KIF2A: variants seen among roughly 807,000 people sequenced by gnomAD.
KIF2A encodes the protein kinesin-like protein KIF2A.
KIF2A carries 22 observed loss-of-function variants against 100.2 expected under a neutral mutation model. The observed-to-expected ratio is 0.22, with a 90% CI of 0.16 to 0.31. The LOEUF (loss-of-function observed/expected upper bound fraction) is 0.31, where lower values mean the gene tolerates loss of function less well. Ranked by LOEUF, KIF2A falls within the 10% of genes least tolerant of loss-of-function variation. KIF2A has a pLI of 1.00. For synonymous variants in KIF2A, 268 were observed against 285.9 expected, an observed-to-expected ratio of 0.94 and a Z score of 0.63; for missense variants, 495 against 898.7, an observed-to-expected ratio of 0.55 and a Z score of 5.74.
intron 1 of KIF2A, among the ~76,000 whole-genome samples, chr5:62,339,974 T>C (rs1747205957): frequency 1.3e-5 from 2 of 151,540 alleles, no homozygotes; most frequent in African/African-American, 4.9e-5. Context: ...ATTTTGCTCT[T>C]ATTGTCCAGG....
At chr5:62,315,692 A>T (rs1239663516) in intron 1 of KIF2A, among the ~76,000 whole-genome samples, 1 of 152,226 alleles carries the variant, frequency 6.6e-6, no homozygotes, top group Non-Finnish European at 1.5e-5. Flanking sequence ...CTGGAAACAG[A>T]GGTAAGGTAA....
intron 8 of KIF2A, 147 bp from the exon 9 acceptor site, chr5:62,357,990 T>G: frequency 1.5e-6 from 1 of 688,748 alleles, no homozygotes; most frequent in Non-Finnish European, 2.4e-6. Context: ...ATATTTTGTC[T>G]TAGTGAGTTG....
intron 1 of KIF2A, among the ~76,000 whole-genome samples, chr5:62,320,536 G>C (rs1199332801): frequency 6.6e-6 from 1 of 151,290 alleles, no homozygotes; most frequent in Non-Finnish European, 1.5e-5. Context: ...TGCTAGCTTG[G>C]ATTGTGAAGT....
intron 1 of KIF2A, among the ~76,000 whole-genome samples, chr5:62,346,069 A>G (rs1208004155): frequency 6.6e-6 from 1 of 152,164 alleles, no homozygotes; most frequent in Non-Finnish European, 1.5e-5. Context: ...AATAAATGGC[A>G]CATAACCTAA....
chr5:62,348,989 G>A (rs1015240317), intron 3 of KIF2A, among the ~76,000 whole-genome samples: 2 of 152,104 alleles, frequency 1.3e-5, no homozygotes, highest in Non-Finnish European at 2.9e-5. Flanking sequence ...TATAATAGAA[G>A]CAACAAAACT....
At chr5:62,325,348 T>A (rs1746322965) in intron 1 of KIF2A, among the ~76,000 whole-genome samples, 1 of 152,038 alleles carries the variant, frequency 6.6e-6, no homozygotes, top group South Asian at 2.1e-4. Context: ...GGTCTCGAAC[T>A]CCTGACCTCA....
At chr5:62,368,671 G>A (rs958614242) in intron 16 of KIF2A, among the ~76,000 whole-genome samples, 1 of 151,960 alleles carries the variant, frequency 6.6e-6, no homozygotes, top group Non-Finnish European at 1.5e-5. Context: ...CAGCCACTTG[G>A]GGGGCTGAGG....
At chr5:62,350,899 G>A (rs1479934491) in intron 4 of KIF2A, among the ~76,000 whole-genome samples, 3 of 148,530 alleles carry the variant, frequency 2.0e-5, no homozygotes, top group Non-Finnish European at 4.4e-5. Flanking sequence ...GCGACAGAGC[G>A]AGACTCCATC....
At chr5:62,383,071 C>T (rs1741852111) in intron 20 of KIF2A, among the ~76,000 whole-genome samples, 1 of 150,548 alleles carries the variant, frequency 6.6e-6, no homozygotes, top group African/African-American at 2.4e-5. Flanking sequence ...GGATTACAGG[C>T]GTGTGCCACT....
chr5:62,347,081 A>G (rs1441010435), intron 1 of KIF2A, 49 bp from the exon 2 acceptor site: 1 of 976,494 alleles, frequency 1.0e-6, no homozygotes, highest in Non-Finnish European at 1.6e-6. Flanking sequence ...GTGTTTAGGA[A>G]TGCCATAATT....
In KIF2A at chr5:62,353,348, G is replaced by A; in HGVS notation, c.531G>A (p.Gln177=). The A allele has an allele frequency of 6.4e-7, 1 of 1,568,036 alleles. No homozygotes were observed. Among genetic ancestry groups the A allele is most frequent in the Non-Finnish European group, 8.6e-7 (1 of 1,161,514 alleles). Residue 177 remains glutamine, a synonymous_variant, in exon 6 of 21, where the codon CAG becomes CAA. Coordinates refer to ENST00000407818, the MANE Select transcript of KIF2A (RefSeq NM_001098511.3). ...QEKREKRRLQ[Q]QELREKRAQD... ...AACGAGAGAAAAGGAGATTGCAACAGCAAGAACTTAGAGAAAAAAGAGCCC... is the reference window on the plus strand; with the variant it reads ...AACGAGAGAAAAGGAGATTGCAACAACAAGAACTTAGAGAAAAAAGAGCCC...
intron 4 of KIF2A, among the ~76,000 whole-genome samples, chr5:62,350,852 C>T (rs969702007): frequency 6.7e-6 from 1 of 148,586 alleles, no homozygotes; most frequent in African/African-American, 2.5e-5. Flanking sequence ...GCAGAGGTTG[C>T]AGTAAGCCAA....
In KIF2A at chr5:62,390,259, C is replaced by G. The variant is rs961485781; in HGVS notation, c.*4690C>G. Among the ~76,000 whole-genome samples the G allele has an allele frequency of 6.6e-6, 1 of 152,092 alleles. No homozygotes were observed. Among genetic ancestry groups the G allele is most frequent in the African/African-American group, 2.4e-5 (1 of 41,410 alleles). On this transcript the variant is annotated 3_prime_UTR_variant, in exon 21 of 21. Transcript: ENST00000407818. The stretch of plus-strand genomic sequence containing the variant: ...TAATTACCTGGGTAATTAATTGAAG[C>G]CTTATTCTGTTTTCATAAGACTTAC...
intron 4 of KIF2A, 39 bp from the exon 5 acceptor site, chr5:62,352,542 ACTAATTT>A (rs1362450989): frequency 6.9e-7 from 1 of 1,451,534 alleles, no homozygotes; most frequent in Non-Finnish European, 9.2e-7. Flanking sequence ...GTTAGCTTTT[ACTAATTT>A]TCTATCCTGA....
chr5:62,361,406 T>G, intron 10 of KIF2A, 60 bp from the exon 11 acceptor site: 1 of 1,423,320 alleles, frequency 7.0e-7, no homozygotes, highest in Non-Finnish European at 9.9e-7. Context: ...TTCTGTGAAC[T>G]AAATTCTTAA....
chr5:62,318,323 C>T (rs1338692411), intron 1 of KIF2A, among the ~76,000 whole-genome samples: 3 of 152,130 alleles, frequency 2.0e-5, no homozygotes, highest in Admixed American at 1.3e-4. Flanking sequence ...CCTCGTGATC[C>T]GCCTGCCTTA....
chr5:62,320,560 A>G (rs1369784641), intron 1 of KIF2A, among the ~76,000 whole-genome samples: 1 of 122,844 alleles, frequency 8.1e-6, no homozygotes, highest in Non-Finnish European at 1.8e-5. Context: ...GGCTGTGACT[A>G]TAGCATTTTT....
intron 10 of KIF2A, 61 bp from the exon 11 acceptor site, chr5:62,361,405 C>T (rs551258913): frequency 2.8e-6 from 4 of 1,420,806 alleles, no homozygotes; most frequent in Non-Finnish European, 4.0e-6. Context: ...ATTCTGTGAA[C>T]TAAATTCTTA....
At chr5:62,368,469 T>C (rs1741185598) in intron 16 of KIF2A, among the ~76,000 whole-genome samples, 1 of 152,156 alleles carries the variant, frequency 6.6e-6, no homozygotes, top group African/African-American at 2.4e-5. Context: ...GATTAAAATA[T>C]AATCACTTCT....
Sources: allele counts gnomAD v4.1 joint callset (sites outside exome capture counted in the v4.1 genomes callset), GRCh38; gene constraint gnomAD v4.1.1; transcripts MANE v1.5; gene names NCBI Gene and HGNC (gene_info 2026-07-23, HGNC 2026-07-21).